Variants in FANCA observed in about 807,000 individuals in gnomAD.
FANCA encodes the protein Fanconi anemia group A protein.
In FANCA, 236 loss-of-function variants were observed where a neutral mutation model predicts 194.3. The observed-to-expected ratio is 1.21, with a 90% confidence interval of 1.09 to 1.35. The LOEUF is 1.35. Among genes scored for constraint, FANCA ranks in the 40% most tolerant of loss-of-function variants. FANCA has a pLI of 0.00. For missense variants in FANCA, 2,628 were observed against 1,813.9 expected, an observed-to-expected ratio of 1.45 and a Z score of -8.15; for synonymous variants, 1,014 against 715.8, an observed-to-expected ratio of 1.42 and a Z score of -6.65.
chr16:89,758,458 A>T lies in FANCA; in HGVS notation c.2981+119T>A. On this transcript the variant is annotated intron_variant, in intron 30 of 42. Coordinates refer to ENST00000389301, the MANE Select transcript of FANCA (RefSeq NM_000135.4). ...GACTGACATTTGGGTATAGGCTGGG[A>T]AAGGCAGACCCACCCTAAGCTAATT... The T allele has an allele frequency of 8.1e-7, 1 of 1,236,210 alleles. No individual in the cohort carries two copies. The highest frequency in any genetic ancestry group is 1.2e-6 in the Non-Finnish European group (1 of 850,408). 76.6% of individuals were successfully genotyped at this position (1,236,210 alleles called of 1,614,324 possible).
chr16:89,790,293 C>T (rs1334690783), intron 14 of FANCA, among the ~76,000 whole-genome samples: 4 of 151,684 alleles, frequency 2.6e-5, no homozygotes, highest in Admixed American at 6.6e-5. Flanking sequence ...ACTCGGGAGG[C>T]GGAGGCAGGA....
intron 30 of FANCA, among the ~76,000 whole-genome samples, chr16:89,753,562 G>A (rs955195761): frequency 6.6e-6 from 1 of 152,274 alleles, no homozygotes. Context: ...AGCACTTGAC[G>A]AAATGTGACA....
chr16:89,750,052 C>G, intron 31 of FANCA, 150 bp from the exon 32 acceptor site: 1 of 834,968 alleles, frequency 1.2e-6, no homozygotes, highest in South Asian at 1.4e-5. Flanking sequence ...TTGGAAATCA[C>G]TTTGAAATTG....
At chr16:89,791,900 C>T in intron 13 of FANCA, 27 bp downstream of exon 13, 1 of 1,613,860 alleles carries the variant, frequency 6.2e-7, no homozygotes, top group Non-Finnish European at 8.5e-7. Context: ...TCTTGACCAG[C>T]ACCACCGGGC....
intron 20 of FANCA, among the ~76,000 whole-genome samples, chr16:89,776,042 G>C (rs1344749136): frequency 6.6e-6 from 1 of 151,104 alleles, no homozygotes; most frequent in Non-Finnish European, 1.5e-5. Flanking sequence ...TATCTAAGGA[G>C]CTAGACCACA....
chr16:89,770,250 G>C lies in FANCA; in HGVS notation c.2232C>G (p.Pro744=). The change falls in exon 25 of 43, where the codon CCC becomes CCG. Residue 744 remains proline, a synonymous_variant. Coordinates refer to ENST00000389301, the MANE Select transcript of FANCA (RefSeq NM_000135.4). ...SSVAPPERQG[P]WAALFVRTMC... Reference sequence around the variant, plus strand: ...TGGTCCTCACGAAGAGGGCAGCCCAGGGACCCTGCCTGCAGAGACAGCCGT... The same window carrying C: ...TGGTCCTCACGAAGAGGGCAGCCCACGGACCCTGCCTGCAGAGACAGCCGT... 1 of 1,577,984 alleles carries C rather than the reference G, an allele frequency of 6.3e-7. No individual in the cohort carries two copies. The highest frequency in any genetic ancestry group is 8.6e-7 in the Non-Finnish European group (1 of 1,161,860).
chr16:89,759,442 G>A (rs540032670), intron 29 of FANCA, among the ~76,000 whole-genome samples: 1 of 151,278 alleles, frequency 6.6e-6, no homozygotes, highest in Admixed American at 6.6e-5. Context: ...TGTGGACTCT[G>A]TGGATACGGA....
chr16:89,787,945 C>G (rs948281007), intron 14 of FANCA, among the ~76,000 whole-genome samples: 5 of 151,744 alleles, frequency 3.3e-5, no homozygotes, highest in Non-Finnish European at 7.4e-5. Context: ...CTGATCTTGG[C>G]TCACTGCAAC....
Position 89,808,321 on chromosome 16 carries a change from A to C in FANCA, c.569T>G (p.Ile190Ser), listed in dbSNP as rs775046491. Residue 190 changes from isoleucine to serine, a missense_variant, in exon 6 of 43, where the codon ATT becomes AGT. Transcript: ENST00000389301. ...EAVWHLHVQG[I>S]VSLQELLESH... is the part of the protein sequence containing the mutation. ...TTCCAGCAGCTCTTGCAGGCTCACA[A>C]TGCCTTGTACGTGAAGATGCCACAC... is the stretch of plus-strand genomic sequence containing the variant. The C allele has an allele frequency of 6.2e-7, 1 of 1,614,042 alleles. No homozygotes were observed. Among genetic ancestry groups the C allele is most frequent in the African/African-American group, 1.3e-5 (1 of 74,920 alleles).
At chr16:89,811,388 G>C (rs556761606) in intron 3 of FANCA, among the ~76,000 whole-genome samples, 1 of 152,208 alleles carries the variant, frequency 6.6e-6, no homozygotes, top group Non-Finnish European at 1.5e-5. Flanking sequence ...TTACAAAGGA[G>C]CACAATAAAT....
chr16:89,767,121 T>G lies in FANCA; in HGVS notation c.2601+20A>C, dbSNP rs557565599. The G allele has an allele frequency of 4.5e-5, 71 of 1,577,558 alleles. No individual in the cohort carries two copies. In the South Asian group the frequency reaches 7.0e-4, roughly 15 times the overall value. ...TGAAACGTATGGCAGAATGGAAAAA[T>G]AGGAAAAGAGTGAACCTACCTTTTT... is the stretch of plus-strand genomic sequence containing the variant. On this transcript the variant is annotated intron_variant, in intron 27 of 42. Transcript: ENST00000389301.
chr16:89,792,985 A>G lies in FANCA; in HGVS notation c.1007-438T>C, dbSNP rs549934760. On this transcript the variant is annotated intron_variant, in intron 11 of 42. Coordinates refer to ENST00000389301, the MANE Select transcript of FANCA (RefSeq NM_000135.4). ...GTACTTTCACTAATTTACTACTGCTATCTAGAAGGCAGAGCCAGGTGTACA... is the reference window on the plus strand; with the variant it reads ...GTACTTTCACTAATTTACTACTGCTGTCTAGAAGGCAGAGCCAGGTGTACA... 2.0e-5 allele frequency among the ~76,000 whole-genome samples: 3 copies of G among 152,292 alleles called. No homozygotes were observed. The South Asian group carries it at 6.2e-4, about 32-fold the overall frequency.
intron 36 of FANCA, among the ~76,000 whole-genome samples, chr16:89,743,366 T>C (rs1029286353): frequency 6.6e-6 from 1 of 152,148 alleles, no homozygotes; most frequent in Admixed American, 6.5e-5. Flanking sequence ...TTCTGGCTGG[T>C]TAAAAAATTG....
Position 89,751,857 on chromosome 16 carries a change from G to A in FANCA, c.3066+281C>T, listed in dbSNP as rs11646910. Among the ~76,000 whole-genome samples the A allele has an allele frequency of 0.093, 14,036 of 151,228 alleles. 851 individuals are homozygous for A. The highest frequency in any genetic ancestry group is 0.25 in the Middle Eastern group (72 of 292). On this transcript the variant is annotated intron_variant, in intron 31 of 42. Coordinates refer to ENST00000389301, the MANE Select transcript of FANCA (RefSeq NM_000135.4). ...ACAATCTCGGCTCACTGCAAGCTCC[G>A]CCTCCTGGGTTCATGCCATTCTCCT...
intron 8 of FANCA, among the ~76,000 whole-genome samples, chr16:89,801,467 CT>C (rs1190235574): frequency 2.0e-5 from 3 of 152,034 alleles, no homozygotes; most frequent in Non-Finnish European, 4.4e-5. Context: ...ATAACAAATG[CT>C]GGTGAGAATG....
At chr16:89,778,772 G>T (rs757066075) in intron 20 of FANCA, 29 bp downstream of exon 20, 1 of 1,604,122 alleles carries the variant, frequency 6.2e-7, no homozygotes, top group Non-Finnish European at 8.5e-7. Flanking sequence ...CCTGGAAGTA[G>T]TCATCCCCTT....
chr16:89,750,818 C>T (rs916490001), intron 31 of FANCA, among the ~76,000 whole-genome samples: 1 of 152,138 alleles, frequency 6.6e-6, no homozygotes, highest in Non-Finnish European at 1.5e-5. Flanking sequence ...CAGGAGGACA[C>T]TCATGTGCCC....
rs375237681 is a variant in FANCA at position 89,739,196 on chromosome 16, G to A, written c.4104C>T (p.Phe1368=). ...VDMYLKLVQL[F]VAGDTSTVSP... ...AAACTGTGCTTGTATCCCCAGCCAC[G>A]AAGAGCTGGACCAGCTTCAAGTACA... is the stretch of plus-strand genomic sequence containing the variant. Residue 1368 remains phenylalanine, a synonymous_variant, in exon 41 of 43, where the codon TTC becomes TTT. Coordinates refer to ENST00000389301, the MANE Select transcript of FANCA (RefSeq NM_000135.4). 1.6e-5 allele frequency: 26 copies of A among 1,614,138 alleles called. No homozygotes were observed. Among genetic ancestry groups the A allele is most frequent in the East Asian group, 2.2e-5 (1 of 44,892 alleles).
intron 1 of FANCA, 158 bp downstream of exon 1, chr16:89,816,379 C>G: frequency 2.1e-6 from 1 of 482,458 alleles, no homozygotes; most frequent in Non-Finnish European, 3.1e-6. Flanking sequence ...TCCGAGGCAG[C>G]CGCGCCGCCC....
Sources: allele counts gnomAD v4.1 joint callset (sites outside exome capture counted in the v4.1 genomes callset), GRCh38; gene constraint gnomAD v4.1.1; transcripts MANE v1.5; gene names NCBI Gene and HGNC (gene_info 2026-07-23, HGNC 2026-07-21).